Variants in PAXIP1 observed in about 807,000 individuals in gnomAD.
PAXIP1 encodes the protein PAX-interacting protein 1.
Under a neutral mutation model 140.6 loss-of-function variants are expected in PAXIP1, and 19 were observed. The observed-to-expected ratio is 0.14, with a 90% CI of 0.09 to 0.20. The LOEUF is 0.20. Among genes scored for constraint, PAXIP1 ranks in the 10% least tolerant of loss-of-function variants. The probability of loss-of-function intolerance (pLI) is 1.00; values close to 1 mark genes in which losing one functional copy is unlikely to be tolerated. For synonymous variants in PAXIP1, 442 were observed against 444.6 expected, an observed-to-expected ratio of 0.99 and a Z score of 0.07; for missense variants, 920 against 1,208.6, an observed-to-expected ratio of 0.76 and a Z score of 3.54.
upstream of PAXIP1, among the ~76,000 whole-genome samples, chr7:155,003,285 C>T (rs1266003481): frequency 6.6e-6 from 1 of 151,704 alleles, no homozygotes; most frequent in Non-Finnish European, 1.5e-5. Context: ...CTTGCGGTTC[C>T]GTGGCCGCCG....
At chr7:154,944,357 C>G in intron 20 of PAXIP1, 193 bp from the exon 21 acceptor site, 1 of 515,576 alleles carries the variant, frequency 1.9e-6, no homozygotes, top group Non-Finnish European at 3.5e-6. Flanking sequence ...CACACAGGCT[C>G]ACTCAGCCCG....
chr7:155,002,911 TG>T lies in PAXIP1; in HGVS notation c.18del (p.Val8PhefsTer38). The T allele has an allele frequency of 7.3e-7, 1 of 1,368,694 alleles. No homozygotes were observed. The highest frequency in any genetic ancestry group is 1.5e-5 in the South Asian group (1 of 68,782). The allele number at this position is 1,368,694 out of a possible 1,614,324, so 84.8% of individuals were successfully genotyped here. MSDQA[P>X]KVPEEMFREV... ...TCCCTGAACATCTCCTCAGGAACTT[TG>T]GGCGCCTGGTCCGACATGATCGCGG... is the stretch of plus-strand genomic sequence containing the variant. On this transcript the variant is annotated frameshift_variant, in exon 1 of 21. Transcript: ENST00000404141. LOFTEE classifies it high-confidence loss of function.
chr7:154,964,935 T>C (rs955635744), intron 8 of PAXIP1: 1 of 152,264 alleles, frequency 6.6e-6, no homozygotes, highest in African/African-American at 2.4e-5. Context: ...TACTATTTCA[T>C]TCCCAAACTC....
Position 154,944,051 on chromosome 7 carries a change from G to A in PAXIP1, c.*98C>T. ...GTCTGATCCCCCAGGAAAGCAGCTG[G>A]AAAACAAGAGCATGTGAAGGAAGCG... On this transcript the variant is annotated 3_prime_UTR_variant, in exon 21 of 21. Coordinates refer to ENST00000404141, the MANE Select transcript of PAXIP1 (RefSeq NM_007349.4). 1 of 1,142,586 alleles carries A rather than the reference G, an allele frequency of 8.8e-7. No individual in the cohort carries two copies. Among genetic ancestry groups the A allele is most frequent in the Non-Finnish European group, 1.3e-6 (1 of 763,430 alleles). 70.8% of individuals were successfully genotyped at this position (1,142,586 alleles called of 1,614,324 possible). A position where few individuals can be genotyped will look rare whatever the true frequency, so the allele number is the denominator to read the frequency against.
At chr7:155,000,157 T>A (rs1810822358) in intron 1 of PAXIP1, 1 of 151,226 alleles carries the variant, frequency 6.6e-6, no homozygotes. Context: ...TGCTCCAACC[T>A]CAAAAAAAAA....
At chr7:154,972,139 T>A (rs1325876449) in intron 6 of PAXIP1, among the ~76,000 whole-genome samples, 1 of 152,218 alleles carries the variant, frequency 6.6e-6, no homozygotes, top group Non-Finnish European at 1.5e-5. Flanking sequence ...TGTCTCTATA[T>A]CCAAATACAA....
intron 5 of PAXIP1, among the ~76,000 whole-genome samples, chr7:154,980,611 A>G (rs1412119081): frequency 4.6e-5 from 7 of 152,040 alleles, no homozygotes; most frequent in African/African-American, 1.7e-4. Context: ...ATGGGGTCTC[A>G]CTTTGTTGCC....
intron 20 of PAXIP1, chr7:154,945,932 C>A: frequency 1.0e-6 from 1 of 985,358 alleles, no homozygotes; most frequent in Non-Finnish European, 1.2e-6. Flanking sequence ...ATTCATTCTG[C>A]CGCTTCCATT....
intron 16 of PAXIP1, chr7:154,950,812 A>C (rs1296208553): frequency 6.6e-6 from 1 of 152,300 alleles, no homozygotes; most frequent in Non-Finnish European, 1.5e-5. Context: ...ATGCTTTATG[A>C]AGCCATGAAA....
chr7:154,964,096 G>A (rs748809), intron 8 of PAXIP1: 104,545 of 203,232 alleles, frequency 0.51, 28,762 homozygotes, highest in Middle Eastern at 0.63. Flanking sequence ...TACAGAGGAG[G>A]ATGTTTGGCA....
chr7:154,992,338 A>G (rs1470052993), intron 3 of PAXIP1, among the ~76,000 whole-genome samples: 2 of 152,158 alleles, frequency 1.3e-5, no homozygotes, highest in Non-Finnish European at 2.9e-5. Context: ...CACAAGGTCT[A>G]GAGACTGAGA....
chr7:154,947,856 G>A (rs762978549), intron 17 of PAXIP1, 47 bp downstream of exon 17: 6 of 1,312,700 alleles, frequency 4.6e-6, no homozygotes, highest in Middle Eastern at 1.8e-4. Flanking sequence ...GAGCAGGTCC[G>A]TGTGTTATGC....
chr7:154,945,466 A>G (rs897108963), intron 20 of PAXIP1: 4 of 939,784 alleles, frequency 4.3e-6, no homozygotes, highest in Non-Finnish European at 2.5e-6. Context: ...GGCACACACG[A>G]AGAAAAAAAA....
In PAXIP1 at chr7:154,973,802, G is replaced by C. The variant is rs1026235512; in HGVS notation, c.1074+1894C>G. ...AACATCAAGCCTTTCCACTGAAAGTGGATGTGGAGAATACTGGATCCGGCT... is the reference window on the plus strand; with the variant it reads ...AACATCAAGCCTTTCCACTGAAAGTCGATGTGGAGAATACTGGATCCGGCT... On this transcript the variant is annotated intron_variant, in intron 6 of 20. Coordinates refer to ENST00000404141, the MANE Select transcript of PAXIP1 (RefSeq NM_007349.4). This position sits in a 1 kb window ranked among gnomAD's most constrained non-coding sequence, Gnocchi z 4.0. Among the ~76,000 whole-genome samples, 1 of 152,210 alleles carries C rather than the reference G, an allele frequency of 6.6e-6. No individual in the cohort carries two copies. The highest frequency in any genetic ancestry group is 1.5e-5 in the Non-Finnish European group (1 of 68,040).
At chr7:154,972,942 G>A (rs1222442350) in intron 6 of PAXIP1, among the ~76,000 whole-genome samples, 2 of 152,206 alleles carry the variant, frequency 1.3e-5, no homozygotes, top group Admixed American at 6.5e-5. Context: ...CTCTCAGGAC[G>A]ACTGTGTGAT....
chr7:154,977,990 A>ACTTTTTAATG (rs1563379932), intron 5 of PAXIP1, among the ~76,000 whole-genome samples: 1 of 151,470 alleles, frequency 6.6e-6, no homozygotes, highest in African/African-American at 2.4e-5. Flanking sequence ...CGCAGACCAA[A>ACTTTTTAATG]TTAGAGACTA....
intron 4 of PAXIP1, among the ~76,000 whole-genome samples, chr7:154,985,465 T>TG (rs1810027879): frequency 6.6e-6 from 1 of 152,150 alleles, no homozygotes; most frequent in Non-Finnish European, 1.5e-5. Context: ...CACCACGTTC[T>TG]GCTTTCCTGT....
At chr7:154,995,710 C>A (rs986076767) in intron 2 of PAXIP1, among the ~76,000 whole-genome samples, 3 of 152,028 alleles carry the variant, frequency 2.0e-5, no homozygotes, top group Non-Finnish European at 4.4e-5. Context: ...GTTAGCCGGG[C>A]GTGGTGGCAC....
chr7:154,975,523 TACACACACACAC>T (rs35537788), intron 6 of PAXIP1, among the ~76,000 whole-genome samples, 161 bp downstream of exon 6: 27 of 150,326 alleles, frequency 1.8e-4, no homozygotes, highest in East Asian at 7.9e-4. Flanking sequence ...TATATACACA[TACACACACACAC>T]ACACACACAC....
Sources: gnomAD v4.1 joint callset for allele counts (sites outside exome capture counted in the v4.1 genomes callset) on GRCh38, gnomAD v4.1.1 for gene constraint, Gnocchi (gnomAD v3.1) non-coding constraint, MANE v1.5 for transcripts, NCBI Gene and HGNC (gene_info 2026-07-23, HGNC 2026-07-21) for gene names.